The following CNTNAP5 variants were observed in gnomAD, a reference collection of about 807,000 sequenced individuals.
CNTNAP5 encodes contactin-associated protein-like 5.
CNTNAP5 carries 72 observed loss-of-function variants against 150.2 expected under a neutral mutation model. The ratio of observed to expected loss-of-function variants is 0.48; its 90% CI spans 0.40 to 0.58. The LOEUF is 0.58. CNTNAP5 is among the 20% of genes least tolerant of loss of function. The pLI, the probability that CNTNAP5 is intolerant of heterozygous loss-of-function variation, is 0.00. For missense variants in CNTNAP5, 1,636 were observed against 1,626.2 expected (o/e 1.01, Z -0.10); for synonymous variants, 672 against 619.8 (o/e 1.08, Z -1.25).
chr2:124,713,341 TTC>T (rs1558747029), intron 13 of CNTNAP5, among the ~76,000 whole-genome samples: 2 of 112,392 alleles, frequency 1.8e-5, no homozygotes. Flanking sequence ...CTTTCTTTCT[TTC>T]TTTCTTTCTT....
At chr2:124,819,488 C>A (rs1296580163) in intron 19 of CNTNAP5, among the ~76,000 whole-genome samples, 1 of 152,026 alleles carries the variant, frequency 6.6e-6, no homozygotes. Context: ...TCAAAATTTT[C>A]TTATAAAAAA....
intron 6 of CNTNAP5, among the ~76,000 whole-genome samples, chr2:124,457,059 A>G (rs926447686): frequency 6.6e-6 from 1 of 152,206 alleles, no homozygotes; most frequent in African/African-American, 2.4e-5. Context: ...ACAAAGATAA[A>G]TAGCTGGAAC....
intron 13 of CNTNAP5, among the ~76,000 whole-genome samples, chr2:124,661,923 A>G (rs547919885): frequency 1.2e-4 from 19 of 152,228 alleles, no homozygotes; most frequent in African/African-American, 3.9e-4. Flanking sequence ...ATGCAGGTAT[A>G]CATGTGCCAT....
chr2:124,277,347 C>T (rs1401615676), intron 3 of CNTNAP5, among the ~76,000 whole-genome samples: 2 of 152,084 alleles, frequency 1.3e-5, no homozygotes, highest in Non-Finnish European at 2.9e-5. Context: ...TTATTGATTG[C>T]ACTTGTCATG....
In CNTNAP5 at chr2:124,194,388, TATATATATATATATATATATATAA is replaced by T. The variant is rs1358846519; in HGVS notation, c.83-27311_83-27288del. Among the ~76,000 whole-genome samples the T allele has an allele frequency of 1.9e-3, 24 of 12,448 alleles. 1 individual carries two copies. The highest frequency in any genetic ancestry group is 4.5e-3 in the African/African-American group (20 of 4,414). 8.2% of individuals were successfully genotyped at this position (12,448 alleles called of 152,430 possible). ...GGTCATATATATATATATATATATATATATATATATATATATATATATAAATATAAATAGGTGTGCTGTATGTTC... is the reference window on the plus strand; with the variant it reads ...GGTCATATATATATATATATATATATATATAAATAGGTGTGCTGTATGTTC... On this transcript the variant is annotated intron_variant, in intron 1 of 23. Coordinates refer to ENST00000682447, the MANE Select transcript of CNTNAP5 (RefSeq NM_001367498.1).
intron 17 of CNTNAP5, among the ~76,000 whole-genome samples, chr2:124,786,404 AAG>A (rs1681585061): frequency 3.6e-3 from 335 of 92,250 alleles, no homozygotes; most frequent in African/African-American, 5.8e-3. Flanking sequence ...AGAAAGAAGG[AAG>A]GAAGGAAGGA....
rs556842537 is a variant in CNTNAP5 at position 124,444,621 on chromosome 2, AG to A, written c.734-2131del. ...CTCAAAACAAACAAACAAACAAACA[AG>A]CAAAAAAATACAGTAATCTGCATTA... On this transcript the variant is annotated intron_variant, in intron 5 of 23. Coordinates refer to ENST00000682447, the MANE Select transcript of CNTNAP5 (RefSeq NM_001367498.1). Among the ~76,000 whole-genome samples the A allele has an allele frequency of 5.3e-3, 811 of 152,208 alleles. 8 individuals carry two copies. The highest frequency in any genetic ancestry group is 0.018 in the African/African-American group (762 of 41,532).
At chr2:124,438,701 G>C (rs1346105784) in intron 5 of CNTNAP5, among the ~76,000 whole-genome samples, 3 of 152,064 alleles carry the variant, frequency 2.0e-5, no homozygotes, top group Non-Finnish European at 2.9e-5. Context: ...TTGAAACTCA[G>C]GCATTTTAGT....
At chr2:124,713,312 T>TTCTTCTTTC (rs2105107182) in intron 13 of CNTNAP5, among the ~76,000 whole-genome samples, 1 of 103,474 alleles carries the variant, frequency 9.7e-6, no homozygotes, top group African/African-American at 3.2e-5. Flanking sequence ...TTCTTTCTCT[T>TTCTTCTTTC]TCTTTCCTTT....
intron 11 of CNTNAP5, among the ~76,000 whole-genome samples, chr2:124,598,711 G>C (rs1696896648): frequency 6.6e-6 from 1 of 152,050 alleles, no homozygotes; most frequent in South Asian, 2.1e-4. Context: ...ACCTAATCAA[G>C]CCTGGGCAAT....
chr2:124,181,549 A>G (rs1462512341), intron 1 of CNTNAP5, among the ~76,000 whole-genome samples: 3 of 152,054 alleles, frequency 2.0e-5, no homozygotes, highest in Non-Finnish European at 4.4e-5. Context: ...AAACTAGTTG[A>G]TCTAGCTAAC....
In CNTNAP5 at chr2:124,915,929, T is replaced by C. The variant is rs1052119515; in HGVS notation, c.*1641T>C. On this transcript the variant is annotated 3_prime_UTR_variant, in exon 24 of 24. Transcript: ENST00000682447. ...GGAAAATACTTGCTGATTCTCTTTA[T>C]GAGGCAGATTCAATTTAGAAAACAA... Among the ~76,000 whole-genome samples the C allele has an allele frequency of 1.3e-5, 2 of 152,076 alleles. No individual in the cohort carries two copies. Among genetic ancestry groups the C allele is most frequent in the Non-Finnish European group, 2.9e-5 (2 of 67,970 alleles).
At chr2:124,412,266 G>T (rs1274117908) in intron 3 of CNTNAP5, among the ~76,000 whole-genome samples, 2 of 149,450 alleles carry the variant, frequency 1.3e-5, no homozygotes, top group African/African-American at 4.9e-5. Context: ...CATGCTCATG[G>T]GTAGGAAGAA....
chr2:124,413,338 C>G (rs1691827033), intron 3 of CNTNAP5, among the ~76,000 whole-genome samples: 1 of 151,278 alleles, frequency 6.6e-6, no homozygotes, highest in East Asian at 1.9e-4. Flanking sequence ...CCTCAGGGAT[C>G]TAGAACTAGA....
chr2:124,139,982 G>T (rs996495874), intron 1 of CNTNAP5, among the ~76,000 whole-genome samples: 19 of 152,190 alleles, frequency 1.2e-4, no homozygotes, highest in Non-Finnish European at 2.9e-5. Flanking sequence ...CTCGGGAAGC[G>T]CAAGGGGTCA....
intron 3 of CNTNAP5, among the ~76,000 whole-genome samples, chr2:124,276,353 T>A (rs1394078825): frequency 6.6e-6 from 1 of 152,182 alleles, no homozygotes; most frequent in East Asian, 1.9e-4. Context: ...CAAGATTATA[T>A]CCCTGCTTTT....
chr2:124,681,033 C>T (rs1679056216), intron 13 of CNTNAP5: 1 of 151,434 alleles, frequency 6.6e-6, no homozygotes, highest in Admixed American at 6.7e-5. Context: ...GCCTGTAATC[C>T]CAGCACTTTG....
At chr2:124,129,175 A>G (rs1683787939) in intron 1 of CNTNAP5, among the ~76,000 whole-genome samples, 2 of 152,232 alleles carry the variant, frequency 1.3e-5, no homozygotes, top group African/African-American at 4.8e-5. Flanking sequence ...TGGTGGTTGC[A>G]TCATACATTT....
chr2:124,526,101 C>T (rs958416187), intron 9 of CNTNAP5, among the ~76,000 whole-genome samples: 1 of 152,146 alleles, frequency 6.6e-6, no homozygotes, highest in Non-Finnish European at 1.5e-5. Context: ...AATTCTGATA[C>T]AATAAGCATC....
Sources: allele counts gnomAD v4.1 joint callset (sites outside exome capture counted in the v4.1 genomes callset), GRCh38; gene constraint gnomAD v4.1.1; transcripts MANE v1.5; gene names NCBI Gene and HGNC (gene_info 2026-07-23, HGNC 2026-07-21).